CLDN18: variants seen among roughly 807,000 people sequenced by gnomAD.
The protein encoded by CLDN18 is claudin 18, also known as claudin-18.
A neutral mutation model predicts 25.0 loss-of-function variants in CLDN18; 20 were observed. The observed-to-expected ratio is 0.80, with a 90% CI of 0.56 to 1.16. The LOEUF (loss-of-function observed/expected upper bound fraction) is 1.16. Ranked by LOEUF, CLDN18 falls within the 50% of genes most tolerant of loss-of-function variation. The pLI is 0.00. For synonymous variants in CLDN18, 125 were observed against 135.6 expected (o/e 0.92, Z 0.54); for missense variants, 297 against 345.4 (o/e 0.86, Z 1.11).
rs144157849 is a variant in CLDN18, at chr3:138,010,300, C to A, written c.75C>A (p.Thr25=). The stretch of plus-strand genomic sequence containing the variant: ...GGCTGGCCGGCTGCATCGCGGCCAC[C>A]GGGATGGACATGTGGAGCACCCAGG... The part of the protein sequence containing the change: ...ILGLAGCIAA[T]GMDMWSTQDL... Residue 25 remains threonine (T), a synonymous_variant, in exon 1 of 5, where the codon ACC becomes ACA. Coordinates refer to ENST00000183605, the MANE Select transcript of CLDN18 (RefSeq NM_016369.4). 1.6e-5 allele frequency: 26 copies of A among 1,614,054 alleles called. No homozygotes were observed. The African/African-American group carries it at 2.5e-4, about 16-fold the overall frequency.
chr3:138,019,591 T>C (rs1942247693), intron 1 of CLDN18, among the ~76,000 whole-genome samples: 1 of 152,234 alleles, frequency 6.6e-6, no homozygotes, highest in Admixed American at 6.5e-5. Context: ...CTCTCCACTC[T>C]GAGTACCTCT....
At chr3:138,010,704 G>C (rs1032341255) in intron 1 of CLDN18, among the ~76,000 whole-genome samples, 1 of 152,174 alleles carries the variant, frequency 6.6e-6, no homozygotes, top group Non-Finnish European at 1.5e-5. Flanking sequence ...CTATTGTAAG[G>C]GTATGTTCAT....
chr3:138,023,814 T>C lies in CLDN18; in HGVS notation c.377T>C (p.Ile126Thr). 1 of 1,612,182 alleles carries C rather than the reference T, an allele frequency of 6.2e-7. No homozygotes were observed. The highest frequency in any genetic ancestry group is 1.3e-5 in the African/African-American group (1 of 75,016). Residue 126 changes from isoleucine to threonine, a missense_variant, in exon 2 of 5, where the codon ATT becomes ACT. Coordinates refer to ENST00000183605, the MANE Select transcript of CLDN18 (RefSeq NM_016369.4). ...ACACTGACCTCCGGGATCATGTTCA[T>C]TGTCTCAGGTAAACACAGAGCCTGG... is the stretch of plus-strand genomic sequence containing the variant. ...NMTLTSGIMF[I>T]VSGLCAIAGV...
intron 1 of CLDN18, among the ~76,000 whole-genome samples, chr3:138,022,055 A>C (rs1942276977): frequency 6.6e-6 from 1 of 152,194 alleles, no homozygotes; most frequent in East Asian, 1.9e-4. Flanking sequence ...TCAGGAGCTC[A>C]AACACTGTCA....
chr3:138,020,170 A>G (rs1176468260), intron 1 of CLDN18, among the ~76,000 whole-genome samples: 1 of 152,210 alleles, frequency 6.6e-6, no homozygotes, highest in Non-Finnish European at 1.5e-5. Context: ...CTCCGTGGTC[A>G]TTACTAGACA....
At chr3:138,009,571 G>A (rs1042702573), upstream of CLDN18, among the ~76,000 whole-genome samples, 4 of 152,178 alleles carry the variant, frequency 2.6e-5, no homozygotes, top group Admixed American at 6.5e-5. Context: ...GGAAGCTGAG[G>A]TGGGAGCCCC....
rs188170355 is a variant in CLDN18, at chr3:138,030,741, C to T, written c.615-229C>T. The stretch of plus-strand genomic sequence containing the variant: ...TTTTATTCTCAGGAGATTTTGTTCT[C>T]GGCTCAGCAAAGCTCTAAAACAGTG... On this transcript the variant is annotated intron_variant, in intron 4 of 4. Coordinates refer to ENST00000183605, the MANE Select transcript of CLDN18 (RefSeq NM_016369.4). 2.8e-4 allele frequency among the ~76,000 whole-genome samples: 43 copies of T among 152,280 alleles called. 1 individual carries two copies. Among genetic ancestry groups the T allele is most frequent in the Admixed American group, 2.5e-3 (39 of 15,296 alleles).
At chr3:138,024,303 G>C (rs998594672) in intron 2 of CLDN18, among the ~76,000 whole-genome samples, 1 of 152,142 alleles carries the variant, frequency 6.6e-6, no homozygotes, top group Admixed American at 6.5e-5. Context: ...GATTTTAAGG[G>C]AAGATACTTT....
At chr3:138,013,062 G>A (rs573717824) in intron 1 of CLDN18, among the ~76,000 whole-genome samples, 1 of 152,292 alleles carries the variant, frequency 6.6e-6, no homozygotes, top group Admixed American at 6.5e-5. Context: ...GGTAGAGTGA[G>A]TATTTAGCAA....
intron 1 of CLDN18, among the ~76,000 whole-genome samples, chr3:137,999,759 C>A (rs1272196977): frequency 1.3e-5 from 2 of 152,108 alleles, no homozygotes; most frequent in Non-Finnish European, 2.9e-5. Context: ...TGCAGGCTGC[C>A]GTGCCCCCTT....
chr3:137,998,973 G>T, exon 1 of CLDN18: 3 of 1,614,220 alleles, frequency 1.9e-6, no homozygotes, highest in Non-Finnish European at 2.5e-6. Flanking sequence ...CCCAAGACTT[G>T]TACAACAACC....
Position 138,014,669 on chromosome 3 carries a change from T to C in CLDN18, c.220+4224T>C, listed in dbSNP as rs142543521. Among the ~76,000 whole-genome samples the C allele has an allele frequency of 2.1e-3, 318 of 152,274 alleles. 1 individual carries two copies. Among genetic ancestry groups the C allele is most frequent in the East Asian group, 5.8e-3 (30 of 5,184 alleles). On this transcript the variant is annotated intron_variant, in intron 1 of 4. Transcript: ENST00000183605. The stretch of plus-strand genomic sequence containing the variant: ...TTCACCAAAAGCCAGAAAAAAACAC[T>C]TCTTGGGATTGAGTTTGCAGAAAAG...
chr3:138,030,950 A>T lies in CLDN18; in HGVS notation c.615-20A>T. 1 of 1,605,346 alleles carries T rather than the reference A, an allele frequency of 6.2e-7. No homozygotes were observed. On this transcript the variant is annotated intron_variant, in intron 4 of 4. Coordinates refer to ENST00000183605, the MANE Select transcript of CLDN18 (RefSeq NM_016369.4). ...CTAACAAAGACATCTACAATCATGG[A>T]ATGTTTATTTTTCTTTCAGCTACAA...
chr3:138,018,863 T>A (rs1942240515), intron 1 of CLDN18, among the ~76,000 whole-genome samples: 1 of 152,202 alleles, frequency 6.6e-6, no homozygotes, highest in Non-Finnish European at 1.5e-5. Context: ...TTCTGTCCAT[T>A]TTTCCTGATC....
intron 1 of CLDN18, chr3:137,999,189 G>A: frequency 1.9e-6 from 2 of 1,057,934 alleles, no homozygotes; most frequent in Non-Finnish European, 2.9e-6. Flanking sequence ...TGGGGAGGGA[G>A]GAACTGCGAT....
chr3:138,029,709 G>T, intron 3 of CLDN18, 88 bp from the exon 4 acceptor site: 1 of 764,036 alleles, frequency 1.3e-6, no homozygotes, highest in Non-Finnish European at 2.1e-6. Flanking sequence ...CAAAAGTGGG[G>T]ACAGAAAGAA....
chr3:138,015,296 A>AAGGAGTAACAACGAGCC (rs1390334520), intron 1 of CLDN18, among the ~76,000 whole-genome samples: 1 of 152,200 alleles, frequency 6.6e-6, no homozygotes, highest in Non-Finnish European at 1.5e-5. Context: ...AAGGAGCTGG[A>AAGGAGTAACAACGAGCC]AGGAGTAACA....
At chr3:138,014,108 AAG>A (rs1471971894) in intron 1 of CLDN18, among the ~76,000 whole-genome samples, 2 of 151,878 alleles carry the variant, frequency 1.3e-5, no homozygotes, top group Non-Finnish European at 2.9e-5. Flanking sequence ...GAGAGGGAGG[AAG>A]AGAGGTGGGA....
intron 1 of CLDN18, among the ~76,000 whole-genome samples, chr3:138,002,415 C>T (rs1473464286): frequency 1.3e-5 from 2 of 152,164 alleles, no homozygotes; most frequent in African/African-American, 2.4e-5. Flanking sequence ...TGACCGCCAG[C>T]GTGCAGGCAT....
Sources: gnomAD v4.1 joint callset for allele counts (sites outside exome capture counted in the v4.1 genomes callset) on GRCh38, gnomAD v4.1.1 for gene constraint, MANE v1.5 for transcripts, NCBI Gene and HGNC (gene_info 2026-07-23, HGNC 2026-07-21) for gene names.